Variants in SLC44A5 observed in about 807,000 individuals in gnomAD.
The protein encoded by SLC44A5 is solute carrier family 44 member 5, also known as choline transporter-like protein 5.
SLC44A5 carries 57 observed loss-of-function variants against 101.8 expected under a neutral mutation model. The ratio of observed to expected loss-of-function variants is 0.56; its 90% CI spans 0.45 to 0.70. The LOEUF is 0.70. Among genes scored for constraint, SLC44A5 ranks in the 30% least tolerant of loss-of-function variants. The probability of loss-of-function intolerance (pLI) is 0.00; values close to 1 mark genes in which losing one functional copy is unlikely to be tolerated. For missense variants in SLC44A5, 737 were observed against 853.1 expected (o/e 0.86, Z 1.70); for synonymous variants, 281 against 290.9 (o/e 0.97, Z 0.35).
chr1:75,482,907 A>G (rs1038795312), intron 2 of SLC44A5, among the ~76,000 whole-genome samples: 3 of 152,214 alleles, frequency 2.0e-5, no homozygotes, highest in Non-Finnish European at 2.9e-5. Flanking sequence ...CTTATAGGAT[A>G]AATGTTATGA....
intron 1 of SLC44A5, among the ~76,000 whole-genome samples, chr1:75,606,974 C>T (rs757591075): frequency 2.0e-5 from 3 of 151,874 alleles, no homozygotes; most frequent in Non-Finnish European, 4.4e-5. Flanking sequence ...TACTCAATTC[C>T]CAGTGAGTCT....
intron 4 of SLC44A5, among the ~76,000 whole-genome samples, chr1:75,321,468 G>C (rs1656141063): frequency 6.7e-6 from 1 of 149,302 alleles, no homozygotes; most frequent in South Asian, 2.1e-4. Flanking sequence ...GAGAGAGAGA[G>C]AGAGAGAGAG....
At chr1:75,567,721 C>A (rs1163912822) in intron 1 of SLC44A5, among the ~76,000 whole-genome samples, 1 of 152,044 alleles carries the variant, frequency 6.6e-6, no homozygotes, top group Non-Finnish European at 1.5e-5. Context: ...TCTGAAAAAG[C>A]AAGTAATATG....
At chr1:75,586,322 CA>C (rs954264465) in intron 1 of SLC44A5, among the ~76,000 whole-genome samples, 9 of 151,560 alleles carry the variant, frequency 5.9e-5, no homozygotes, top group African/African-American at 2.2e-4. Flanking sequence ...TCTCAGTCTC[CA>C]AAACAGAAGA....
At chr1:75,608,481 C>A (rs1675457425) in intron 1 of SLC44A5, among the ~76,000 whole-genome samples, 1 of 151,972 alleles carries the variant, frequency 6.6e-6, no homozygotes, top group African/African-American at 2.4e-5. Context: ...ATATTCTCAA[C>A]ACAGTCGCCG....
chr1:75,494,716 CA>C (rs751749096), intron 2 of SLC44A5, among the ~76,000 whole-genome samples: 30 of 152,120 alleles, frequency 2.0e-4, no homozygotes, highest in Admixed American at 1.0e-3. Context: ...TGACAGAGAG[CA>C]AAGAAGTGAT....
the SLC44A5 span, among the ~76,000 whole-genome samples, chr1:75,643,456 A>T: frequency 6.6e-6 from 1 of 152,322 alleles, no homozygotes; most frequent in Middle Eastern, 3.4e-3. Context: ...TATCTTATTC[A>T]TTTACATTCT....
intron 7 of SLC44A5, among the ~76,000 whole-genome samples, chr1:75,248,673 G>A (rs619193): frequency 0.73 from 110,411 of 151,890 alleles, 40,328 homozygotes; most frequent in East Asian, 0.93. Context: ...AATGGACAAC[G>A]GTCTGTAGTA....
intron 2 of SLC44A5, among the ~76,000 whole-genome samples, chr1:75,519,487 A>G (rs1001825373): frequency 6.6e-6 from 1 of 151,872 alleles, no homozygotes; most frequent in African/African-American, 2.4e-5. Flanking sequence ...GAACCCGGGA[A>G]GCAGAGGTTG....
Position 75,396,567 on chromosome 1 carries a change from T to G in SLC44A5, c.52+16A>C, listed in dbSNP as rs200293932. On this transcript the variant is annotated intron_variant, in intron 3 of 23. Transcript: ENST00000370859. ...ATGAAAGATTCTTAGCACTTAATACTCAGACTATGACTTACCAAAGTCCTC... is the reference window on the plus strand; with the variant it reads ...ATGAAAGATTCTTAGCACTTAATACGCAGACTATGACTTACCAAAGTCCTC... The G allele has an allele frequency of 7.5e-6, 12 of 1,603,656 alleles. No homozygotes were observed. The highest frequency in any genetic ancestry group is 1.0e-5 in the Non-Finnish European group (12 of 1,171,336).
chr1:75,555,205 A>C (rs889752779), intron 1 of SLC44A5, among the ~76,000 whole-genome samples: 71 of 152,290 alleles, frequency 4.7e-4, no homozygotes, highest in African/African-American at 1.6e-3. Context: ...ATTTATATAA[A>C]AGTTTAAATC....
chr1:75,545,850 G>T (rs1161528643), intron 1 of SLC44A5, among the ~76,000 whole-genome samples: 3 of 140,718 alleles, frequency 2.1e-5, no homozygotes, highest in African/African-American at 5.3e-5. Flanking sequence ...TTGAGTCAGG[G>T]TCTTGTTCTG....
chr1:75,263,877 A>G (rs549536069), intron 6 of SLC44A5, among the ~76,000 whole-genome samples: 61 of 152,226 alleles, frequency 4.0e-4, no homozygotes, highest in Admixed American at 1.5e-3. Flanking sequence ...AACTAAAACA[A>G]GAACAGAAAA....
At chr1:75,426,627 T>C (rs1449137387) in intron 2 of SLC44A5, among the ~76,000 whole-genome samples, 1 of 152,240 alleles carries the variant, frequency 6.6e-6, no homozygotes, top group Non-Finnish European at 1.5e-5. Context: ...CCTTTCTAGA[T>C]TTGGATAATT....
intron 4 of SLC44A5, among the ~76,000 whole-genome samples, chr1:75,317,524 G>C (rs879494902): frequency 1.3e-5 from 2 of 152,194 alleles, no homozygotes; most frequent in Non-Finnish European, 2.9e-5. Flanking sequence ...ATTAAAGACA[G>C]GTTCTTAAGA....
chr1:75,348,553 C>A (rs956437453), intron 3 of SLC44A5, among the ~76,000 whole-genome samples: 2 of 152,126 alleles, frequency 1.3e-5, no homozygotes, highest in Non-Finnish European at 2.9e-5. Flanking sequence ...GTGAAGTAAT[C>A]AAACTCTATT....
chr1:75,534,919 C>G (rs991496541), intron 2 of SLC44A5, among the ~76,000 whole-genome samples: 6 of 152,160 alleles, frequency 3.9e-5, no homozygotes, highest in Admixed American at 3.9e-4. Context: ...TATAATTTTT[C>G]TGGAGCCTCT....
At chr1:75,360,078 G>A (rs1242264772) in intron 3 of SLC44A5, among the ~76,000 whole-genome samples, 1 of 152,110 alleles carries the variant, frequency 6.6e-6, no homozygotes, top group Non-Finnish European at 1.5e-5. Flanking sequence ...TTTCTTATCA[G>A]ATGTATGGTT....
intron 5 of SLC44A5, among the ~76,000 whole-genome samples, chr1:75,278,465 T>A (rs1652114850): frequency 6.6e-6 from 1 of 152,140 alleles, no homozygotes; most frequent in Admixed American, 6.6e-5. Flanking sequence ...CAACACATCC[T>A]TTTTATAATA....
Sources: allele counts gnomAD v4.1 joint callset (sites outside exome capture counted in the v4.1 genomes callset), GRCh38; gene constraint gnomAD v4.1.1; transcripts MANE v1.5; gene names NCBI Gene and HGNC (gene_info 2026-07-23, HGNC 2026-07-21).